The following SMC6 variants were observed in gnomAD, a reference collection of about 807,000 sequenced individuals.
SMC6 encodes the protein structural maintenance of chromosomes 6.
In SMC6, 79 loss-of-function variants were observed where a neutral mutation model predicts 142.2. The ratio of observed to expected loss-of-function variants is 0.56; its 90% CI spans 0.46 to 0.67. The LOEUF (loss-of-function observed/expected upper bound fraction) is 0.67, where lower values mean the gene tolerates loss of function less well. SMC6 is among the 30% of genes least tolerant of loss of function. The pLI, the probability that SMC6 is intolerant of heterozygous loss-of-function variation, is 0.00. For missense variants in SMC6, 1,072 were observed against 1,284.0 expected, an observed-to-expected ratio of 0.83 and a Z score of 2.52; for synonymous variants, 411 against 412.4, an observed-to-expected ratio of 1.00 and a Z score of 0.04.
chr2:17,673,643 C>G (rs558642363), intron 25 of SMC6, among the ~76,000 whole-genome samples: 5 of 145,856 alleles, frequency 3.4e-5, no homozygotes, highest in African/African-American at 1.3e-4. Context: ...GATCTCGGTT[C>G]GCTGCAACCT....
chr2:17,665,600 T>TGATAA lies in SMC6; in HGVS notation c.3174_3175insTTATC (p.Ser1059LeufsTer5). The TGATAA allele has an allele frequency of 6.2e-7, 1 of 1,605,714 alleles. No individual in the cohort carries two copies. The highest frequency in any genetic ancestry group is 8.5e-7 in the Non-Finnish European group (1 of 1,175,296). On this transcript the variant is annotated frameshift_variant, in exon 28 of 28. Coordinates refer to ENST00000448223, the MANE Select transcript of SMC6 (RefSeq NM_001142286.2). LOFTEE classifies it high-confidence loss of function. ...ATTCGGAGAATTCTTATCAGTTTAC[T>TGATAA]GGATGGAAGTGAACTAGAAGAAGCA... is the stretch of plus-strand genomic sequence containing the variant.
At chr2:17,703,396 G>T in intron 18 of SMC6, 104 bp from the exon 19 acceptor site, 1 of 1,031,498 alleles carries the variant, frequency 9.7e-7, no homozygotes, top group Non-Finnish European at 1.4e-6. Context: ...TAAGTTATGT[G>T]CAAAATCCTT....
intron 24 of SMC6, among the ~76,000 whole-genome samples, chr2:17,683,401 T>C (rs1357038641): frequency 6.6e-6 from 1 of 152,146 alleles, no homozygotes; most frequent in East Asian, 1.9e-4. Flanking sequence ...AAAGGACCTA[T>C]TTAAGCATAA....
At chr2:17,668,339 T>G (rs1666597685) in intron 26 of SMC6, among the ~76,000 whole-genome samples, 1 of 152,128 alleles carries the variant, frequency 6.6e-6, no homozygotes, top group Admixed American at 6.5e-5. Flanking sequence ...AGAAAAAAAT[T>G]GACACTGAAC....
intron 26 of SMC6, 47 bp downstream of exon 26, chr2:17,670,376 T>A: frequency 6.4e-7 from 1 of 1,566,734 alleles, no homozygotes; most frequent in South Asian, 1.2e-5. Flanking sequence ...AATACATGTT[T>A]CAAACAAACA....
chr2:17,668,483 A>G (rs1011604188), intron 26 of SMC6, among the ~76,000 whole-genome samples: 2 of 152,196 alleles, frequency 1.3e-5, no homozygotes, highest in African/African-American at 4.8e-5. Flanking sequence ...ACAATCTGGT[A>G]GGGGATTCAG....
chr2:17,699,591 T>C (rs967495903), intron 21 of SMC6, among the ~76,000 whole-genome samples: 5 of 152,186 alleles, frequency 3.3e-5, no homozygotes, highest in African/African-American at 4.8e-5. Context: ...TGTCAGCTAT[T>C]CTGTTATAGT....
intron 25 of SMC6, among the ~76,000 whole-genome samples, chr2:17,676,525 T>C (rs1666999738): frequency 6.6e-6 from 1 of 152,196 alleles, no homozygotes; most frequent in Non-Finnish European, 1.5e-5. Flanking sequence ...TTGGCTATTT[T>C]AGGCCCTTTG....
At chr2:17,708,837 AG>A in intron 16 of SMC6, 84 bp from the exon 17 acceptor site, 20 of 307,882 alleles carry the variant, frequency 6.5e-5, no homozygotes, top group South Asian at 1.1e-4. Flanking sequence ...TATATATATA[AG>A]AGTATATATA....
intron 23 of SMC6, among the ~76,000 whole-genome samples, chr2:17,692,826 C>T (rs1486572805): frequency 2.6e-5 from 4 of 152,092 alleles, no homozygotes; most frequent in Non-Finnish European, 5.9e-5. Flanking sequence ...GGCTAATATC[C>T]AGAATCTACA....
At position 17,663,825 on chromosome 2, in the gene SMC6, T is replaced by A. The variant is rs1558317349; in HGVS notation, c.*1674A>T. ...GCATGACCTTAATACATATAAATTT[T>A]AAGTTTTATTTTTAGAAGTTACACA... On this transcript the variant is annotated 3_prime_UTR_variant, in exon 28 of 28. Transcript: ENST00000448223. The A allele has an allele frequency of 1.3e-5, 2 of 152,244 alleles. No homozygotes were observed. The highest frequency in any genetic ancestry group is 2.9e-5 in the Non-Finnish European group (2 of 68,040). 9.4% of individuals were successfully genotyped at this position (152,244 alleles called of 1,614,324 possible).
At chr2:17,685,918 A>C (rs1017779643) in intron 23 of SMC6, among the ~76,000 whole-genome samples, 2 of 152,052 alleles carry the variant, frequency 1.3e-5, no homozygotes, top group Non-Finnish European at 2.9e-5. Flanking sequence ...TAAAAACTTA[A>C]ACTTTGAGGG....
chr2:17,719,729 G>C (rs1669276375), intron 11 of SMC6, among the ~76,000 whole-genome samples: 1 of 152,094 alleles, frequency 6.6e-6, no homozygotes, highest in South Asian at 2.1e-4. Flanking sequence ...AGGTGGAAAG[G>C]GTTGAAATTC....
intron 5 of SMC6, among the ~76,000 whole-genome samples, chr2:17,732,402 CAAG>C (rs1006496356): frequency 2.0e-5 from 3 of 151,904 alleles, no homozygotes; most frequent in African/African-American, 7.2e-5. Flanking sequence ...CATTTGATAT[CAAG>C]AAGTGTAACT....
At chr2:17,692,494 G>A (rs189799982) in intron 23 of SMC6, among the ~76,000 whole-genome samples, 2,018 of 152,258 alleles carry the variant, frequency 0.013, 23 homozygotes, top group African/African-American at 0.031. Context: ...GGGAAAACTG[G>A]CTAGCCATAT....
At chr2:17,739,845 GACACACACACAC>G (rs776038205) in intron 4 of SMC6, among the ~76,000 whole-genome samples, 7 of 110,562 alleles carry the variant, frequency 6.3e-5, no homozygotes, top group African/African-American at 1.3e-4. Context: ...CACACACACA[GACACACACACAC>G]ACACACACAG....
chr2:17,738,196 T>C, intron 5 of SMC6, 25 bp downstream of exon 5: 1 of 1,518,164 alleles, frequency 6.6e-7, no homozygotes, highest in South Asian at 1.1e-5. Context: ...GAATTGAAAA[T>C]AGATGGTAGA....
At chr2:17,667,572 G>A (rs1285722268) in intron 26 of SMC6, among the ~76,000 whole-genome samples, 2 of 152,148 alleles carry the variant, frequency 1.3e-5, no homozygotes, top group African/African-American at 2.4e-5. Flanking sequence ...ATGTGGTGCC[G>A]GGCGCAGCAG....
At chr2:17,679,949 C>T (rs1667167057) in intron 24 of SMC6, 1 of 152,150 alleles carries the variant, frequency 6.6e-6, no homozygotes, top group Admixed American at 6.6e-5. Flanking sequence ...TCCTATTTCC[C>T]TCCCTGAACT....
Sources: gnomAD v4.1 joint callset for allele counts (sites outside exome capture counted in the v4.1 genomes callset) on GRCh38, gnomAD v4.1.1 for gene constraint, MANE v1.5 for transcripts, NCBI Gene and HGNC (gene_info 2026-07-23, HGNC 2026-07-21) for gene names.